The following IMMP2L variants were observed in gnomAD, a reference collection of about 807,000 sequenced individuals.
IMMP2L encodes the protein mitochondrial inner membrane protease subunit 2.
IMMP2L carries 18 observed loss-of-function variants against 19.3 expected under a neutral mutation model. That is an observed-to-expected ratio of 0.93 (90% CI 0.64 to 1.38). IMMP2L has a LOEUF of 1.38. Among genes scored for constraint, IMMP2L ranks in the 40% most tolerant of loss-of-function variants. The pLI, the probability that IMMP2L is intolerant of heterozygous loss-of-function variation, is 0.00. For missense variants in IMMP2L, 233 were observed against 218.2 expected (o/e 1.07, Z -0.43); for synonymous variants, 76 against 73.0 (o/e 1.04, Z -0.21).
rs888674999 is a variant in IMMP2L, at chr7:111,449,894, C to T, written c.239+37344G>A. On this transcript the variant is annotated intron_variant, in intron 3 of 5. Coordinates refer to ENST00000405709, the MANE Select transcript of IMMP2L (RefSeq NM_032549.4). ...ATACAAAATCAATGTACAAGAATCA[C>T]AAGCATTCCTATACACCAACAACAG... is the stretch of plus-strand genomic sequence containing the variant. Among the ~76,000 whole-genome samples, 41 of 132,924 alleles carry T rather than the reference C, an allele frequency of 3.1e-4. 2 individuals are homozygous for T. Among genetic ancestry groups the T allele is most frequent in the Non-Finnish European group, 5.1e-4 (33 of 64,878 alleles). 87.2% of individuals were successfully genotyped at this position (132,924 alleles called of 152,430 possible).
Position 111,115,409 on chromosome 7 carries a change from AT to A in IMMP2L, c.240-151845del, listed in dbSNP as rs1799759252. Among the ~76,000 whole-genome samples the A allele has an allele frequency of 2.6e-5, 4 of 152,216 alleles. No homozygotes were observed. In the South Asian group the frequency reaches 8.3e-4, roughly 32 times the overall value. On this transcript the variant is annotated intron_variant, in intron 3 of 5. Coordinates refer to ENST00000405709, the MANE Select transcript of IMMP2L (RefSeq NM_032549.4). ...AATCAATAATTAAATATAACTACAA[AT>A]CAGAATTTTCATAAAAAATGACAGT...
chr7:110,705,559 G>A (rs910676828), intron 5 of IMMP2L, among the ~76,000 whole-genome samples: 4 of 152,028 alleles, frequency 2.6e-5, no homozygotes, highest in Non-Finnish European at 4.4e-5. Flanking sequence ...TTTTATGTCA[G>A]TGCAGTCATT....
intron 5 of IMMP2L, among the ~76,000 whole-genome samples, chr7:110,686,186 A>G (rs1793097296): frequency 6.6e-6 from 1 of 152,036 alleles, no homozygotes; most frequent in Non-Finnish European, 1.5e-5. Flanking sequence ...CCTGCTGATC[A>G]GTACCTGCTA....
chr7:111,156,089 T>C (rs1804618143), intron 3 of IMMP2L, among the ~76,000 whole-genome samples: 1 of 152,204 alleles, frequency 6.6e-6, no homozygotes, highest in South Asian at 2.1e-4. Context: ...TCTACAAGAT[T>C]TTTATTATTT....
intron 4 of IMMP2L, among the ~76,000 whole-genome samples, chr7:110,960,707 C>T (rs1334960218): frequency 6.6e-6 from 1 of 151,502 alleles, no homozygotes; most frequent in Non-Finnish European, 1.5e-5. Context: ...TTAGAATGTA[C>T]ATTCTATAAG....
chr7:110,840,484 G>A (rs1266514523), intron 5 of IMMP2L, among the ~76,000 whole-genome samples: 6 of 152,226 alleles, frequency 3.9e-5, no homozygotes, highest in East Asian at 1.9e-4. Flanking sequence ...TGGTTTAACC[G>A]ATATCATTGG....
intron 3 of IMMP2L, among the ~76,000 whole-genome samples, chr7:111,085,105 G>A (rs549466733): frequency 8.4e-4 from 128 of 152,224 alleles, no homozygotes; most frequent in African/African-American, 3.1e-3. Flanking sequence ...AGAAACATAG[G>A]GAAGAATAAA....
chr7:110,752,777 G>A (rs77403853), intron 5 of IMMP2L, among the ~76,000 whole-genome samples: 12 of 152,156 alleles, frequency 7.9e-5, no homozygotes, highest in African/African-American at 2.9e-4. Context: ...GAAGAGGTTG[G>A]GTTGACAATG....
intron 3 of IMMP2L, among the ~76,000 whole-genome samples, chr7:111,320,689 C>G (rs925607897): frequency 2.0e-5 from 3 of 152,016 alleles, no homozygotes; most frequent in Admixed American, 6.6e-5. Flanking sequence ...CAGTACTAGG[C>G]ACCACCATTC....
intron 3 of IMMP2L, among the ~76,000 whole-genome samples, chr7:111,154,314 C>T (rs900790179): frequency 6.6e-6 from 1 of 151,996 alleles, no homozygotes; most frequent in Non-Finnish European, 1.5e-5. Context: ...TAAAGTCCTG[C>T]TAGAAACATA....
At chr7:111,284,611 C>T (rs928225337) in intron 3 of IMMP2L, among the ~76,000 whole-genome samples, 5 of 152,114 alleles carry the variant, frequency 3.3e-5, no homozygotes, top group African/African-American at 4.8e-5. Context: ...AAAGACAGGT[C>T]AGTAGAGTTC....
At position 110,866,356 on chromosome 7, in the gene IMMP2L, G is replaced by A. The variant is rs536742722; in HGVS notation, c.408+20237C>T. Among the ~76,000 whole-genome samples the A allele has an allele frequency of 2.0e-5, 3 of 151,946 alleles. No individual in the cohort carries two copies. The South Asian group carries it at 6.2e-4, about 32-fold the overall frequency. ...GTGAGTTTTAAAACAGCACAAAGGCGATGGTTTGAGAACATTCAGATAAGA... is the reference window on the plus strand; with the variant it reads ...GTGAGTTTTAAAACAGCACAAAGGCAATGGTTTGAGAACATTCAGATAAGA... On this transcript the variant is annotated intron_variant, in intron 5 of 5. Coordinates refer to ENST00000405709, the MANE Select transcript of IMMP2L (RefSeq NM_032549.4).
chr7:111,552,934 G>A (rs537978626), intron 1 of IMMP2L, among the ~76,000 whole-genome samples: 48 of 152,216 alleles, frequency 3.2e-4, no homozygotes, highest in African/African-American at 1.1e-3. Flanking sequence ...TTGTGGAAAG[G>A]AACCAACCTG....
chr7:110,857,387 C>G (rs1325219537), intron 5 of IMMP2L, among the ~76,000 whole-genome samples: 1 of 152,090 alleles, frequency 6.6e-6, no homozygotes, highest in Admixed American at 6.6e-5. Context: ...TTATAAAACA[C>G]CTGCCCTGCA....
chr7:110,766,504 A>G (rs1316896166), intron 5 of IMMP2L, among the ~76,000 whole-genome samples: 1 of 150,814 alleles, frequency 6.6e-6, no homozygotes, highest in Non-Finnish European at 1.5e-5. Context: ...AGGCAGGAGA[A>G]TCGCTTGAAC....
At chr7:111,471,985 C>T (rs1464272215) in intron 3 of IMMP2L, among the ~76,000 whole-genome samples, 2 of 151,986 alleles carry the variant, frequency 1.3e-5, no homozygotes, top group Non-Finnish European at 2.9e-5. Context: ...TCTATTATTC[C>T]ACCTCTTGAA....
intron 1 of IMMP2L, among the ~76,000 whole-genome samples, chr7:111,540,591 C>A (rs917410536): frequency 6.6e-6 from 1 of 152,152 alleles, no homozygotes; most frequent in African/African-American, 2.4e-5. Context: ...ACTCCTCTGG[C>A]ATTCACTAGC....
intron 5 of IMMP2L, among the ~76,000 whole-genome samples, chr7:110,718,788 G>T (rs1351981404): frequency 6.6e-6 from 1 of 152,166 alleles, no homozygotes; most frequent in East Asian, 1.9e-4. Context: ...GGGAGCCTCA[G>T]ATGCAGATAG....
chr7:110,950,912 A>G (rs950010507), intron 4 of IMMP2L, among the ~76,000 whole-genome samples: 2 of 146,412 alleles, frequency 1.4e-5, no homozygotes, highest in Admixed American at 1.4e-4. Context: ...TATGCCAAAT[A>G]TATATATATA....
Sources: allele counts gnomAD v4.1 joint callset (sites outside exome capture counted in the v4.1 genomes callset), GRCh38; gene constraint gnomAD v4.1.1; transcripts MANE v1.5; gene names NCBI Gene and HGNC (gene_info 2026-07-23, HGNC 2026-07-21).